AGBL4: variants seen among roughly 807,000 people sequenced by gnomAD.
AGBL4 encodes the protein cytosolic carboxypeptidase 6.
AGBL4 carries 58 observed loss-of-function variants against 66.4 expected under a neutral mutation model. That is an observed-to-expected ratio of 0.87 (90% confidence interval 0.71 to 1.09). AGBL4 has a LOEUF of 1.09. Ranked by LOEUF, AGBL4 falls within the 50% of genes least tolerant of loss-of-function variation. AGBL4 has a pLI of 0.00. For synonymous variants in AGBL4, 234 were observed against 222.9 expected (o/e 1.05, Z -0.44); for missense variants, 579 against 631.0 (o/e 0.92, Z 0.88).
At chr1:49,855,348 G>T (rs186154065) in intron 1 of AGBL4, among the ~76,000 whole-genome samples, 1 of 152,100 alleles carries the variant, frequency 6.6e-6, no homozygotes, top group African/African-American at 2.4e-5. Flanking sequence ...TTCAGCATTG[G>T]ACACATCATA....
rs1646714806 is a variant in AGBL4, at chr1:48,837,711, C to CTATATATAAATATATATA, written c.634+29479_634+29480insTATATATATTTATATATA. ...ACGCACACACACGCACACACACACACTATATATATATATATATATATATAT... is the reference window on the plus strand; with the variant it reads ...ACGCACACACACGCACACACACACACTATATATAAATATATATATATATATATATATATATATATATAT... On this transcript the variant is annotated intron_variant, in intron 6 of 13. Coordinates refer to ENST00000371839, the MANE Select transcript of AGBL4 (RefSeq NM_032785.4). 1.5e-4 allele frequency among the ~76,000 whole-genome samples: 12 copies of CTATATATAAATATATATA among 82,312 alleles called. No individual in the cohort carries two copies. In the South Asian group the frequency reaches 7.1e-3, roughly 49 times the overall value. 54.0% of individuals were successfully genotyped at this position (82,312 alleles called of 152,430 possible).
At chr1:49,461,448 G>C (rs1646509621) in intron 3 of AGBL4, among the ~76,000 whole-genome samples, 1 of 144,892 alleles carries the variant, frequency 6.9e-6, no homozygotes, top group African/African-American at 2.6e-5. Context: ...CGGAAGTTGT[G>C]ATTTTTTTTT....
chr1:49,234,500 G>C (rs1481381057), intron 4 of AGBL4, among the ~76,000 whole-genome samples: 1 of 152,198 alleles, frequency 6.6e-6, no homozygotes, highest in Admixed American at 6.5e-5. Flanking sequence ...GTATATAAAA[G>C]AGCATTGGTG....
At chr1:49,223,346 C>T (rs1394945589) in intron 4 of AGBL4, among the ~76,000 whole-genome samples, 3 of 152,080 alleles carry the variant, frequency 2.0e-5, no homozygotes, top group African/African-American at 7.2e-5. Context: ...GTGCAAATAA[C>T]AGTAATGATA....
chr1:49,204,166 T>G (rs1266883287), intron 4 of AGBL4, among the ~76,000 whole-genome samples: 5 of 152,190 alleles, frequency 3.3e-5, no homozygotes, highest in Non-Finnish European at 5.9e-5. Flanking sequence ...TGCAGTTTAC[T>G]GTTGGTGGAG....
chr1:49,493,955 G>A (rs767144527), intron 3 of AGBL4, among the ~76,000 whole-genome samples: 107 of 151,906 alleles, frequency 7.0e-4, no homozygotes, highest in Non-Finnish European at 1.3e-3. Context: ...ACATCCCTCT[G>A]ATGGCAGCAA....
chr1:49,381,028 C>A (rs1303990308), intron 3 of AGBL4, among the ~76,000 whole-genome samples: 1 of 152,036 alleles, frequency 6.6e-6, no homozygotes, highest in African/African-American at 2.4e-5. Context: ...TTTTGTGCAG[C>A]AAAAGAAACT....
intron 4 of AGBL4, among the ~76,000 whole-genome samples, chr1:49,162,273 C>T (rs899854654): frequency 4.6e-5 from 7 of 151,846 alleles, no homozygotes; most frequent in Admixed American, 4.6e-4. Flanking sequence ...CTATTATGTC[C>T]CTAAAATTGA....
intron 3 of AGBL4, among the ~76,000 whole-genome samples, chr1:49,396,224 C>A: frequency 6.6e-6 from 1 of 151,614 alleles, no homozygotes; most frequent in South Asian, 2.1e-4. Context: ...ATGTGTGTGC[C>A]CCACACTTCC....
chr1:48,653,276 C>T (rs200143746), intron 8 of AGBL4, 61 bp downstream of exon 8: 6 of 1,308,034 alleles, frequency 4.6e-6, no homozygotes, highest in Non-Finnish European at 6.3e-6. Flanking sequence ...CGTATTTTTT[C>T]TTGCTTCCAT....
intron 2 of AGBL4, among the ~76,000 whole-genome samples, chr1:49,709,257 A>G: frequency 6.6e-6 from 1 of 152,204 alleles, no homozygotes; most frequent in Non-Finnish European, 1.5e-5. Context: ...TGCCCTGCCC[A>G]GAGAGGAGGA....
intron 5 of AGBL4, among the ~76,000 whole-genome samples, chr1:49,008,537 T>A (rs1368828211): frequency 1.3e-5 from 2 of 148,534 alleles, no homozygotes. Context: ...CTAATAGACA[T>A]CTACAGAACT....
chr1:49,112,782 T>C (rs2148024295), intron 4 of AGBL4, among the ~76,000 whole-genome samples: 1 of 152,276 alleles, frequency 6.6e-6, no homozygotes, highest in South Asian at 2.1e-4. Context: ...ATCTTCAGGC[T>C]CCACTTCTAA....
intron 3 of AGBL4, among the ~76,000 whole-genome samples, chr1:49,375,894 T>C (rs775658229): frequency 1.2e-4 from 19 of 152,090 alleles, no homozygotes; most frequent in Non-Finnish European, 1.8e-4. Flanking sequence ...TCTGATGACA[T>C]TGCCTCTCTC....
At position 48,646,556 on chromosome 1, in the gene AGBL4, C is replaced by T. The variant is rs1450421366; in HGVS notation, c.839+6781G>A. The stretch of plus-strand genomic sequence containing the variant: ...GTGTGTGTGTGTGTGTGTGTGTGTG[C>T]TGGTGCTGGAAATACCTTCCCTGGT... On this transcript the variant is annotated intron_variant, in intron 8 of 13. Coordinates refer to ENST00000371839, the MANE Select transcript of AGBL4 (RefSeq NM_032785.4). Among the ~76,000 whole-genome samples the T allele has an allele frequency of 3.2e-4, 15 of 46,422 alleles. 1 individual carries two copies. The South Asian group carries it at 6.3e-3, about 20-fold the overall frequency. 30.5% of individuals were successfully genotyped at this position (46,422 alleles called of 152,430 possible). A position where few individuals can be genotyped will look rare whatever the true frequency, so the allele number is the denominator to read the frequency against.
intron 3 of AGBL4, among the ~76,000 whole-genome samples, chr1:49,270,610 A>C (rs757364174): frequency 1.8e-4 from 28 of 151,910 alleles, no homozygotes; most frequent in South Asian, 1.2e-3. Flanking sequence ...CCTTTTGCCT[A>C]CTCCTGGGAG....
chr1:48,727,882 A>G (rs768598961), intron 6 of AGBL4: 1 of 1,594,044 alleles, frequency 6.3e-7, no homozygotes. Flanking sequence ...GAAAAATCCA[A>G]AGTTTATTGC....
intron 3 of AGBL4, among the ~76,000 whole-genome samples, chr1:49,331,639 C>T (rs895804452): frequency 1.3e-5 from 2 of 151,390 alleles, no homozygotes; most frequent in Admixed American, 6.6e-5. Flanking sequence ...ATTCTAGCGA[C>T]AGAACTCTGA....
Position 49,867,538 on chromosome 1 carries a change from G to A in AGBL4, c.35-16020C>T, listed in dbSNP as rs572937637. Among the ~76,000 whole-genome samples, 11 of 129,190 alleles carry A rather than the reference G, an allele frequency of 8.5e-5. No individual in the cohort carries two copies. In the South Asian group the frequency reaches 2.5e-3, roughly 30 times the overall value. 84.8% of individuals were successfully genotyped at this position (129,190 alleles called of 152,430 possible). A position where few individuals can be genotyped will look rare whatever the true frequency, so the allele number is the denominator to read the frequency against. On this transcript the variant is annotated intron_variant, in intron 1 of 13. Coordinates refer to ENST00000371839, the MANE Select transcript of AGBL4 (RefSeq NM_032785.4). ...CGGTGTGTAATGTTCCCCTTCCTGT[G>A]TCCAAGTGTTCTTATTGTTCAATTC...
Sources: gnomAD v4.1 joint callset for allele counts (sites outside exome capture counted in the v4.1 genomes callset) on GRCh38, gnomAD v4.1.1 for gene constraint, MANE v1.5 for transcripts, NCBI Gene and HGNC (gene_info 2026-07-23, HGNC 2026-07-21) for gene names.